Variants in TMCC3 observed in about 807,000 individuals in gnomAD.
The protein encoded by TMCC3 is transmembrane and coiled-coil domain protein 3.
Under a neutral mutation model 40.2 loss-of-function variants are expected in TMCC3, and 28 were observed. The ratio of observed to expected loss-of-function variants is 0.70; its 90% confidence interval spans 0.52 to 0.95. TMCC3 has a LOEUF of 0.95. TMCC3 is among the 40% of genes least tolerant of loss of function. The probability of loss-of-function intolerance (pLI) is 0.00; values close to 1 mark genes in which losing one functional copy is unlikely to be tolerated. For missense variants in TMCC3, 554 were observed against 615.2 expected (o/e 0.90, Z 1.05); for synonymous variants, 255 against 248.5 (o/e 1.03, Z -0.25).
intron 1 of TMCC3, among the ~76,000 whole-genome samples, chr12:94,586,016 C>T (rs1270477258): frequency 1.3e-5 from 2 of 152,196 alleles, no homozygotes; most frequent in African/African-American, 2.4e-5. Context: ...TCATTTAAGA[C>T]ACCTTTCCAT....
At chr12:94,590,719 C>G (rs557004926) in intron 1 of TMCC3, 29 of 337,652 alleles carry the variant, frequency 8.6e-5, no homozygotes, top group Middle Eastern at 1.1e-3. Context: ...AGAACAGGAG[C>G]TTTTCTATCA....
intron 1 of TMCC3, among the ~76,000 whole-genome samples, chr12:94,607,614 C>T (rs757311082): frequency 6.6e-6 from 1 of 152,194 alleles, no homozygotes; most frequent in Non-Finnish European, 1.5e-5. Context: ...CCATGTTGGC[C>T]AGGCTGGTCT....
chr12:94,624,392 A>T (rs1236940580), intron 1 of TMCC3, among the ~76,000 whole-genome samples: 3 of 152,216 alleles, frequency 2.0e-5, no homozygotes, highest in African/African-American at 7.2e-5. Flanking sequence ...ATGTCCACCA[A>T]ATGTCACATA....
intron 1 of TMCC3, among the ~76,000 whole-genome samples, chr12:94,637,620 G>T (rs756417617): frequency 2.1e-4 from 32 of 152,200 alleles, no homozygotes; most frequent in Non-Finnish European, 3.1e-4. Context: ...ATGCCCTTTG[G>T]CTGAGTAATT....
At chr12:94,616,031 CACCT>C (rs2068846020) in intron 1 of TMCC3, 50 of 985,294 alleles carry the variant, frequency 5.1e-5, no homozygotes, top group Non-Finnish European at 5.9e-5. Flanking sequence ...TTCCAAACAG[CACCT>C]ACCATATGAC....
At chr12:94,642,709 C>T (rs1364140794) in intron 1 of TMCC3, among the ~76,000 whole-genome samples, 1 of 152,234 alleles carries the variant, frequency 6.6e-6, no homozygotes, top group African/African-American at 2.4e-5. Flanking sequence ...GACAGCTACA[C>T]CACTGTTACA....
At chr12:94,593,512 G>A (rs370404447) in intron 1 of TMCC3, among the ~76,000 whole-genome samples, 18 of 151,212 alleles carry the variant, frequency 1.2e-4, no homozygotes, top group South Asian at 2.1e-4. Context: ...GTAAAATCTC[G>A]TCACTCTAGA....
intron 1 of TMCC3, among the ~76,000 whole-genome samples, chr12:94,594,656 G>A (rs1291404555): frequency 2.0e-5 from 3 of 152,042 alleles, no homozygotes; most frequent in Admixed American, 6.6e-5. Flanking sequence ...TGGGAGAACC[G>A]CCCCCAGGAA....
chr12:94,629,186 G>A (rs143473152), intron 1 of TMCC3, among the ~76,000 whole-genome samples: 1 of 152,220 alleles, frequency 6.6e-6, no homozygotes, highest in African/African-American at 2.4e-5. Context: ...CAGGTGAACC[G>A]AAGCCTTGAA....
chr12:94,585,237 C>T (rs550050466), intron 1 of TMCC3, among the ~76,000 whole-genome samples: 41 of 152,230 alleles, frequency 2.7e-4, no homozygotes, highest in African/African-American at 9.9e-4. Context: ...AAGGCCCTAG[C>T]CCACCTTTCA....
At chr12:94,634,429 G>C (rs2068949792) in intron 1 of TMCC3, among the ~76,000 whole-genome samples, 1 of 151,574 alleles carries the variant, frequency 6.6e-6, no homozygotes, top group Non-Finnish European at 1.5e-5. Context: ...AAAAAAAAAA[G>C]TCTGTTGGAA....
intron 1 of TMCC3, among the ~76,000 whole-genome samples, chr12:94,603,085 C>G (rs2068762202): frequency 6.6e-6 from 1 of 151,964 alleles, no homozygotes; most frequent in South Asian, 2.1e-4. Flanking sequence ...TATAATGAAT[C>G]TTATTTTTTA....
intron 1 of TMCC3, among the ~76,000 whole-genome samples, chr12:94,619,177 T>TGA (rs2068862718): frequency 6.6e-6 from 1 of 152,226 alleles, no homozygotes; most frequent in African/African-American, 2.4e-5. Flanking sequence ...GTGTTTAAAA[T>TGA]GAACAGCATC....
intron 1 of TMCC3, among the ~76,000 whole-genome samples, chr12:94,602,200 C>G (rs1474340335): frequency 6.6e-6 from 1 of 152,172 alleles, no homozygotes; most frequent in East Asian, 1.9e-4. Flanking sequence ...GTCTACTAAT[C>G]TCTCCTTCAA....
intron 1 of TMCC3, among the ~76,000 whole-genome samples, chr12:94,612,526 G>A (rs1413482386): frequency 2.6e-5 from 4 of 152,030 alleles, no homozygotes; most frequent in Non-Finnish European, 4.4e-5. Flanking sequence ...TGGCCAGGCT[G>A]GTCACGATCT....
intron 1 of TMCC3, among the ~76,000 whole-genome samples, chr12:94,621,231 C>T (rs572818914): frequency 1.3e-5 from 2 of 152,340 alleles, no homozygotes; most frequent in South Asian, 4.1e-4. Flanking sequence ...TTCTCAAACA[C>T]TGATATGGGG....
At chr12:94,619,393 C>A (rs1169565491) in intron 1 of TMCC3, among the ~76,000 whole-genome samples, 1 of 152,206 alleles carries the variant, frequency 6.6e-6, no homozygotes, top group Non-Finnish European at 1.5e-5. Flanking sequence ...TCAGGATTCC[C>A]TACTAAGCCA....
intron 1 of TMCC3, among the ~76,000 whole-genome samples, chr12:94,584,535 C>T (rs1451610997): frequency 6.6e-6 from 1 of 151,938 alleles, no homozygotes; most frequent in African/African-American, 2.4e-5. Flanking sequence ...CCATATCCAA[C>T]AACGGGTATT....
At chr12:94,596,770 G>T (rs929734558) in intron 1 of TMCC3, among the ~76,000 whole-genome samples, 3 of 151,958 alleles carry the variant, frequency 2.0e-5, no homozygotes, top group Non-Finnish European at 4.4e-5. Context: ...GCAGCCAGTT[G>T]TTTAGGGACA....
Sources: allele counts gnomAD v4.1 joint callset (sites outside exome capture counted in the v4.1 genomes callset), GRCh38; gene constraint gnomAD v4.1.1; transcripts MANE v1.5; gene names NCBI Gene and HGNC (gene_info 2026-07-23, HGNC 2026-07-21).